The following SREBF2 variants were observed in gnomAD, a reference collection of about 807,000 sequenced individuals.
The protein encoded by SREBF2 is sterol regulatory element binding transcription factor 2, also known as sterol regulatory element-binding protein 2.
A neutral mutation model predicts 113.1 loss-of-function variants in SREBF2; 55 were observed. The observed-to-expected ratio is 0.49, with a 90% confidence interval of 0.39 to 0.61. The LOEUF (loss-of-function observed/expected upper bound fraction) is 0.61. SREBF2 is among the 20% of genes least tolerant of loss of function. SREBF2 has a pLI of 0.00. For synonymous variants in SREBF2, 593 were observed against 605.7 expected, an observed-to-expected ratio of 0.98 and a Z score of 0.31; for missense variants, 1,349 against 1,487.4, an observed-to-expected ratio of 0.91 and a Z score of 1.53.
intron 9 of SREBF2, chr22:41,878,871 A>G: frequency 1.7e-6 from 1 of 595,708 alleles, no homozygotes; most frequent in South Asian, 1.7e-5. Flanking sequence ...CTCAGAATAT[A>G]GATGTGATTT....
At chr22:41,857,158 A>G (rs2076984745) in intron 1 of SREBF2, among the ~76,000 whole-genome samples, 2 of 152,138 alleles carry the variant, frequency 1.3e-5, no homozygotes, top group African/African-American at 2.4e-5. Context: ...GTAGGAGGCT[A>G]TGGTTGAAAT....
At chr22:41,860,240 TG>T (rs1307474390) in intron 1 of SREBF2, among the ~76,000 whole-genome samples, 1 of 132,694 alleles carries the variant, frequency 7.5e-6, no homozygotes, top group Non-Finnish European at 1.6e-5. Context: ...TTTAAATCAG[TG>T]AAAAAAAAAA....
Position 41,905,749 on chromosome 22 carries a change from C to T in SREBF2, c.*89C>T. 7.1e-7 allele frequency: 1 copy of T among 1,402,822 alleles called. No individual in the cohort carries two copies. The allele number at this position is 1,402,822 out of a possible 1,614,324, so 86.9% of individuals were successfully genotyped here. A position where few individuals can be genotyped will look rare whatever the true frequency, so the allele number is the denominator to read the frequency against. ...CCCGCTGAGAGTGGTGGGGAAGAGC[C>T]TTGTCTTCTTAGCTGTCACCTGCCG... On this transcript the variant is annotated 3_prime_UTR_variant, in exon 19 of 19. Transcript: ENST00000361204.
intron 14 of SREBF2, among the ~76,000 whole-genome samples, chr22:41,898,293 T>C (rs1174911041): frequency 1.3e-5 from 2 of 152,058 alleles, no homozygotes; most frequent in South Asian, 4.2e-4. Flanking sequence ...TTTTTGTGTA[T>C]TTTTAGTAGA....
In SREBF2 at chr22:41,894,853, G is replaced by T; in HGVS notation, c.2411G>T (p.Cys804Phe). 1 of 1,614,138 alleles carries T rather than the reference G, an allele frequency of 6.2e-7. No individual in the cohort carries two copies. The highest frequency in any genetic ancestry group is 8.5e-7 in the Non-Finnish European group (1 of 1,180,018). The change falls in exon 13 of 19, where the codon TGC (cysteine) becomes TTC (phenylalanine). Residue 804 changes from cysteine (C) to phenylalanine (F), a missense_variant. Physicochemically the swap from Cys to Phe is radical, Grantham distance 205. Coordinates refer to ENST00000361204, the MANE Select transcript of SREBF2 (RefSeq NM_004599.4). ...DPIAQVHQAF[C>F]KNLLERAIES... The stretch of plus-strand genomic sequence containing the variant: ...ATTGCGCAGGTCCACCAGGCCTTCT[G>T]CAAGAACCTGCTGGAGCGAGCTATA...
At chr22:41,849,215 T>TG (rs2076905021) in intron 1 of SREBF2, among the ~76,000 whole-genome samples, 3 of 152,072 alleles carry the variant, frequency 2.0e-5, no homozygotes, top group Non-Finnish European at 4.4e-5. Flanking sequence ...TTTTTGGAGA[T>TG]GGGGTCTCAC....
chr22:41,851,785 G>A (rs750522811), intron 1 of SREBF2, among the ~76,000 whole-genome samples: 9 of 149,136 alleles, frequency 6.0e-5, no homozygotes, highest in Non-Finnish European at 1.3e-4. Flanking sequence ...ATGAGCCACC[G>A]CACCCAGCCA....
At chr22:41,866,024 G>A (rs2077071095) in intron 1 of SREBF2, among the ~76,000 whole-genome samples, 1 of 152,172 alleles carries the variant, frequency 6.6e-6, no homozygotes, top group Non-Finnish European at 1.5e-5. Context: ...TTGGAGAGGA[G>A]GCCTAGAGCC....
At chr22:41,857,018 G>T (rs1003961259) in intron 1 of SREBF2, among the ~76,000 whole-genome samples, 10 of 147,016 alleles carry the variant, frequency 6.8e-5, no homozygotes, top group Admixed American at 4.8e-4. Flanking sequence ...AGTGAGCTGA[G>T]ATCATGCCAC....
intron 1 of SREBF2, among the ~76,000 whole-genome samples, chr22:41,838,884 C>T (rs2076802930): frequency 6.6e-6 from 1 of 152,140 alleles, no homozygotes; most frequent in Admixed American, 6.5e-5. Context: ...CATTCAAATA[C>T]CTTTCCATGG....
At chr22:41,868,886 C>T (rs2077112965) in intron 3 of SREBF2, 94 bp downstream of exon 3, 1 of 1,489,126 alleles carries the variant, frequency 6.7e-7, no homozygotes, top group Non-Finnish European at 9.1e-7. Context: ...AAGGACCAAC[C>T]AGAGTGTACA....
At chr22:41,880,621 C>T in intron 9 of SREBF2, 95 bp from the exon 10 acceptor site, 1 of 1,524,048 alleles carries the variant, frequency 6.6e-7, no homozygotes, top group South Asian at 1.1e-5. Flanking sequence ...GCACTAATTC[C>T]TCTGATAATT....
chr22:41,855,728 G>C (rs915021854), intron 1 of SREBF2, among the ~76,000 whole-genome samples: 3 of 152,000 alleles, frequency 2.0e-5, no homozygotes, highest in Admixed American at 6.6e-5. Flanking sequence ...CTTTTAGGCA[G>C]GCAGCTTAGA....
intron 12 of SREBF2, 79 bp downstream of exon 12, chr22:41,893,364 C>T (rs948553145): frequency 1.1e-5 from 16 of 1,452,374 alleles, no homozygotes; most frequent in East Asian, 2.3e-5. Flanking sequence ...GCACCAGACA[C>T]GCGGAGACAC....
chr22:41,842,949 C>T (rs551583176), intron 1 of SREBF2, among the ~76,000 whole-genome samples: 2 of 151,090 alleles, frequency 1.3e-5, no homozygotes, highest in South Asian at 2.1e-4. Context: ...GAAATCGCAC[C>T]ACTGTATTCT....
At position 41,878,067 on chromosome 22, in the gene SREBF2, C is replaced by G; in HGVS notation, c.1705C>G (p.Arg569Gly). 1 of 1,614,154 alleles carries G rather than the reference C, an allele frequency of 6.2e-7. No individual in the cohort carries two copies. Among genetic ancestry groups the G allele is most frequent in the African/African-American group, 1.3e-5 (1 of 75,032 alleles). Reference protein sequence around the residue: ...HGEPVIRPHSRSSVTFWRHRK... With the variant: ...HGEPVIRPHSGSSVTFWRHRK... ...GGAGCCAGTGATCCGGCCACACTCGCGCTCCTCGGTCACCTTCTGGAGGCA... is the reference window on the plus strand; with the variant it reads ...GGAGCCAGTGATCCGGCCACACTCGGGCTCCTCGGTCACCTTCTGGAGGCA... Residue 569 changes from arginine (R) to glycine (G), a missense_variant, in exon 9 of 19, where the codon CGC becomes GGC. Transcript: ENST00000361204.
At chr22:41,864,063 G>T (rs1240998783) in intron 1 of SREBF2, among the ~76,000 whole-genome samples, 1 of 148,100 alleles carries the variant, frequency 6.8e-6, no homozygotes, top group Non-Finnish European at 1.5e-5. Context: ...TTTTGTAGTA[G>T]ACAGGGGTTT....
In SREBF2 at chr22:41,867,304, GTGGT is replaced by G. The variant is rs1011378858; in HGVS notation, c.538+34_538+37del. ...AGGTGATTCAGAAGTTAGAATGGTA[GTGGT>G]TGGTTGGTTCCAATGTTTATGTGCC... On this transcript the variant is annotated intron_variant, in intron 2 of 18. Transcript: ENST00000361204. 1.9e-6 allele frequency: 3 copies of G among 1,613,112 alleles called. No individual in the cohort carries two copies. In the African/African-American group the frequency reaches 4.0e-5, roughly 22 times the overall value.
chr22:41,894,475 G>A (rs1305351853), intron 12 of SREBF2, among the ~76,000 whole-genome samples: 2 of 152,130 alleles, frequency 1.3e-5, no homozygotes, highest in Non-Finnish European at 2.9e-5. Context: ...GCCACATGGA[G>A]AAGAGAAATC....
Sources: allele counts gnomAD v4.1 joint callset (sites outside exome capture counted in the v4.1 genomes callset), GRCh38; gene constraint gnomAD v4.1.1; transcripts MANE v1.5; gene names NCBI Gene and HGNC (gene_info 2026-07-23, HGNC 2026-07-21).